CLVS2: variants seen among roughly 807,000 people sequenced by gnomAD.
CLVS2 encodes clavesin 2.
In CLVS2, 19 loss-of-function variants were observed where a neutral mutation model predicts 29.0. That is an observed-to-expected ratio of 0.66 (90% confidence interval 0.46 to 0.96). The LOEUF is 0.96. CLVS2 is among the 40% of genes least tolerant of loss of function. CLVS2 has a pLI of 0.00. For missense variants in CLVS2, 294 were observed against 404.1 expected (o/e 0.73, Z 2.34); for synonymous variants, 161 against 151.3 (o/e 1.06, Z -0.47).
intron 3 of CLVS2, among the ~76,000 whole-genome samples, chr6:123,022,369 G>T (rs1038161820): frequency 1.3e-5 from 2 of 151,960 alleles, no homozygotes; most frequent in Non-Finnish European, 2.9e-5. Context: ...GGTAAGGAAA[G>T]TGTGCTTATT....
At chr6:123,032,493 G>A (rs893132489) in intron 3 of CLVS2, among the ~76,000 whole-genome samples, 3 of 151,942 alleles carry the variant, frequency 2.0e-5, no homozygotes, top group African/African-American at 7.2e-5. Flanking sequence ...AGCAGGCATT[G>A]GTGTCTTACA....
intron 4 of CLVS2, among the ~76,000 whole-genome samples, chr6:123,050,909 T>G (rs1772601068): frequency 1.3e-5 from 2 of 152,158 alleles, no homozygotes; most frequent in African/African-American, 4.8e-5. Flanking sequence ...TTGGACAGCT[T>G]TGACAACCTA....
At chr6:123,033,232 C>T (rs1399655063) in intron 3 of CLVS2, among the ~76,000 whole-genome samples, 1 of 152,000 alleles carries the variant, frequency 6.6e-6, no homozygotes, top group Middle Eastern at 3.4e-3. Context: ...TTTTAGAGAA[C>T]AACATAAGAT....
Position 123,069,884 on chromosome 6 carries a change from C to T in CLVS2, c.*6123C>T, listed in dbSNP as rs894517613. 4.6e-5 allele frequency: 7 copies of T among 151,766 alleles called. No individual in the cohort carries two copies. Among genetic ancestry groups the T allele is most frequent in the Non-Finnish European group, 1.0e-4 (7 of 67,844 alleles). The allele number at this position is 151,766 out of a possible 1,614,324, so 9.4% of individuals were successfully genotyped here. Reference sequence around the variant, plus strand: ...TTCTCTAAAAATAAAAATAAATATGCTGTTTTCCTCCCTTTTTTCTAATTG... The same window carrying T: ...TTCTCTAAAAATAAAAATAAATATGTTGTTTTCCTCCCTTTTTTCTAATTG... On this transcript the variant is annotated 3_prime_UTR_variant, in exon 6 of 6. Coordinates refer to ENST00000275162, the MANE Select transcript of CLVS2 (RefSeq NM_001010852.4).
chr6:122,997,551 AG>A lies in CLVS2; in HGVS notation c.-222del. ...GAGCCAAAGTAGGGTGTTGTATTTT[AG>A]GGGGCAGAGGAAGAAGTTTACACCC... On this transcript the variant is annotated 5_prime_UTR_variant, in exon 2 of 6. It removes the in-frame stop codon of an upstream open reading frame in the 5' UTR. Transcript: ENST00000275162. The A allele has an allele frequency of 1.7e-6, 1 of 585,182 alleles. No individual in the cohort carries two copies. Among genetic ancestry groups the A allele is most frequent in the Admixed American group, 3.1e-5 (1 of 32,034 alleles). 36.2% of individuals were successfully genotyped at this position (585,182 alleles called of 1,614,324 possible).
chr6:123,010,908 G>A, intron 2 of CLVS2, 77 bp from the exon 3 acceptor site: 3 of 931,160 alleles, frequency 3.2e-6, no homozygotes, highest in Non-Finnish European at 4.5e-6. Context: ...TGAATTTTTA[G>A]TGTGCTAGAA....
Position 123,011,164 on chromosome 6 carries a change from G to A in CLVS2, c.564+5G>A. The stretch of plus-strand genomic sequence containing the variant: ...TTAGCTATTGAAGGCCTGCAGGTAG[G>A]ATATGGAAATTACCTACTTCCTTGG... On this transcript the variant is annotated splice_donor_5th_base_variant and intron_variant, in intron 3 of 5. Transcript: ENST00000275162. The A allele has an allele frequency of 6.5e-7, 1 of 1,545,198 alleles. No individual in the cohort carries two copies. The highest frequency in any genetic ancestry group is 1.2e-5 in the South Asian group (1 of 81,376).
intron 3 of CLVS2, among the ~76,000 whole-genome samples, chr6:123,021,632 A>G (rs889236068): frequency 1.3e-5 from 2 of 152,114 alleles, no homozygotes; most frequent in African/African-American, 2.4e-5. Context: ...GAGATCCCAT[A>G]TATGTCTTTC....
chr6:123,015,486 A>T (rs902605185), intron 3 of CLVS2, among the ~76,000 whole-genome samples: 8 of 151,990 alleles, frequency 5.3e-5, no homozygotes, highest in African/African-American at 1.9e-4. Flanking sequence ...TTCTCAGCTG[A>T]CCTCAAGGCT....
chr6:123,034,289 CA>C (rs34674466), intron 3 of CLVS2, among the ~76,000 whole-genome samples: 3 of 152,110 alleles, frequency 2.0e-5, no homozygotes, highest in Middle Eastern at 3.4e-3. Flanking sequence ...TCATAATAGC[CA>C]AAAACTGGAA....
intron 3 of CLVS2, among the ~76,000 whole-genome samples, chr6:123,033,728 T>TA (rs544963513): frequency 6.6e-6 from 1 of 151,214 alleles, no homozygotes; most frequent in Non-Finnish European, 1.5e-5. Context: ...TCACCAAAAT[T>TA]AAAAAAAAAT....
chr6:122,998,252 T>A (rs1415204154), intron 2 of CLVS2, 86 bp downstream of exon 2: 7 of 1,440,782 alleles, frequency 4.9e-6, no homozygotes, highest in Non-Finnish European at 4.6e-6. Context: ...TTTTGTAGAT[T>A]TGATATTTTT....
At chr6:123,039,416 T>C (rs1367901541) in intron 3 of CLVS2, among the ~76,000 whole-genome samples, 2 of 152,202 alleles carry the variant, frequency 1.3e-5, no homozygotes, top group African/African-American at 4.8e-5. Flanking sequence ...TGACCCTTAC[T>C]GTGCATTTAG....
rs1209175820 is a variant in CLVS2, at chr6:123,071,890, C to T, written c.*8129C>T. ...CTGTGACACAAGATGATAGAAATTG[C>T]TCATGCTCACATATATTCCAACTGG... is the stretch of plus-strand genomic sequence containing the variant. On this transcript the variant is annotated 3_prime_UTR_variant, in exon 6 of 6. Coordinates refer to ENST00000275162, the MANE Select transcript of CLVS2 (RefSeq NM_001010852.4). The T allele has an allele frequency of 6.6e-6, 1 of 151,934 alleles. No homozygotes were observed. The highest frequency in any genetic ancestry group is 2.4e-5 in the African/African-American group (1 of 41,388). 9.4% of individuals were successfully genotyped at this position (151,934 alleles called of 1,614,324 possible).
intron 3 of CLVS2, among the ~76,000 whole-genome samples, chr6:123,018,529 T>C (rs1029470009): frequency 2.6e-5 from 4 of 152,048 alleles, no homozygotes; most frequent in Non-Finnish European, 4.4e-5. Context: ...TGTTTTCTTA[T>C]ATTTAAAAAT....
chr6:123,028,219 A>G (rs1250269862), intron 3 of CLVS2, among the ~76,000 whole-genome samples: 1 of 137,188 alleles, frequency 7.3e-6, no homozygotes, highest in African/African-American at 2.8e-5. Context: ...TCTGTGTTGA[A>G]CTGTTGGCTA....
At chr6:123,018,085 T>C (rs1443241554) in intron 3 of CLVS2, among the ~76,000 whole-genome samples, 1 of 152,090 alleles carries the variant, frequency 6.6e-6, no homozygotes, top group Non-Finnish European at 1.5e-5. Context: ...ATAACACTTT[T>C]TGGTCTGAGT....
At chr6:123,027,387 G>C (rs1775018608) in intron 3 of CLVS2, among the ~76,000 whole-genome samples, 1 of 152,200 alleles carries the variant, frequency 6.6e-6, no homozygotes, top group African/African-American at 2.4e-5. Context: ...GCCCAGAGAT[G>C]CTAAAAGTCC....
In CLVS2 at chr6:123,063,726, G is replaced by A. The variant is rs756685082; in HGVS notation, c.949G>A (p.Glu317Lys). The change falls in exon 6 of 6, where the codon GAA (glutamate) becomes AAA (lysine). Residue 317 changes from glutamate (E) to lysine (K), a missense_variant. By Grantham distance (56) the Glu-to-Lys change is moderately conservative (BLOSUM62 1). Transcript: ENST00000275162. The stretch of plus-strand genomic sequence containing the variant: ...ACTAAAACGCATGGATAAAAATGAG[G>A]AAGAAAACATGCAACCATTGCTTTC... ...TVLKRMDKNEEENMQPLLSLD is the reference protein window; with the variant it reads ...TVLKRMDKNEKENMQPLLSLD 2 of 1,611,804 alleles carry A rather than the reference G, an allele frequency of 1.2e-6. No individual in the cohort carries two copies. Among genetic ancestry groups the A allele is most frequent in the South Asian group, 2.2e-5 (2 of 90,964 alleles).
Sources: allele counts gnomAD v4.1 joint callset (sites outside exome capture counted in the v4.1 genomes callset), GRCh38; gene constraint gnomAD v4.1.1; transcripts MANE v1.5; gene names NCBI Gene and HGNC (gene_info 2026-07-23, HGNC 2026-07-21).